Variants in PDE3A observed in about 807,000 individuals in gnomAD.
PDE3A encodes cGMP-inhibited 3',5'-cyclic phosphodiesterase 3A.
A neutral mutation model predicts 98.3 loss-of-function variants in PDE3A; 43 were observed. The ratio of observed to expected loss-of-function variants is 0.44; its 90% confidence interval spans 0.34 to 0.56. The LOEUF (loss-of-function observed/expected upper bound fraction) is 0.56. Among genes scored for constraint, PDE3A ranks in the 20% least tolerant of loss-of-function variants. The pLI is 0.01. For synonymous variants in PDE3A, 663 were observed against 567.9 expected (o/e 1.17, Z -2.38); for missense variants, 1,427 against 1,440.7 (o/e 0.99, Z 0.15).
chr12:20,554,885 C>T (rs1041469922), intron 1 of PDE3A, among the ~76,000 whole-genome samples: 1 of 152,178 alleles, frequency 6.6e-6, no homozygotes, highest in Non-Finnish European at 1.5e-5. Flanking sequence ...ATTTTGTTAG[C>T]ACACATACGT....
At position 20,552,213 on chromosome 12, in the gene PDE3A, G is replaced by A; in HGVS notation, c.961-4447G>A. The A allele has an allele frequency of 1.2e-6, 2 of 1,613,948 alleles. No individual in the cohort carries two copies. The highest frequency in any genetic ancestry group is 8.5e-7 in the Non-Finnish European group (1 of 1,179,890). ...AAGGGGCCGAGGCCAAGGACTGGCG[G>A]TCGGGGAAGCCGGTCAGGGTGGTGC... On this transcript the variant is annotated intron_variant, in intron 1 of 15. Coordinates refer to ENST00000359062, the MANE Select transcript of PDE3A (RefSeq NM_000921.5). This position sits in a 1 kb window ranked among gnomAD's most constrained non-coding sequence, Gnocchi z 5.1.
intron 1 of PDE3A, among the ~76,000 whole-genome samples, chr12:20,519,192 T>C (rs1046423572): frequency 6.6e-6 from 1 of 152,318 alleles, no homozygotes; most frequent in Non-Finnish European, 1.5e-5. Context: ...TCTCTACTTA[T>C]ATTTTGAAAG....
chr12:20,506,128 G>GTGTGTGTGTGTGTC (rs377692430), intron 1 of PDE3A, among the ~76,000 whole-genome samples: 24 of 146,916 alleles, frequency 1.6e-4, no homozygotes, highest in African/African-American at 5.8e-4. Context: ...GTGTGTGTGT[G>GTGTGTGTGTGTGTC]TATGTGTGTG....
rs796466854 is a variant in PDE3A at position 20,487,673 on chromosome 12, T to A, written c.961-68987T>A. Among the ~76,000 whole-genome samples, 918 of 141,966 alleles carry A rather than the reference T, an allele frequency of 6.5e-3. 13 individuals are homozygous for A. Among genetic ancestry groups the A allele is most frequent in the African/African-American group, 0.022 (846 of 39,076 alleles). The allele number at this position is 141,966 out of a possible 152,430, so 93.1% of individuals were successfully genotyped here. The stretch of plus-strand genomic sequence containing the variant: ...GGCTTAAGAAAAAAAAATAAATAAA[T>A]AAAAAAAGTGGTCAGTTTCTACAAG... On this transcript the variant is annotated intron_variant, in intron 1 of 15. Coordinates refer to ENST00000359062, the MANE Select transcript of PDE3A (RefSeq NM_000921.5).
chr12:20,567,392 G>A (rs1297269807), intron 2 of PDE3A, among the ~76,000 whole-genome samples: 42 of 151,852 alleles, frequency 2.8e-4, no homozygotes, highest in Non-Finnish European at 1.5e-5. Flanking sequence ...CTGCTTTCAG[G>A]CTTTTCTGTT....
chr12:20,399,208 T>C lies in PDE3A; in HGVS notation c.960+28964T>C, dbSNP rs541643829. 1.6e-4 allele frequency among the ~76,000 whole-genome samples: 24 copies of C among 152,352 alleles called. No homozygotes were observed. The South Asian group carries it at 4.3e-3, about 28-fold the overall frequency. ...TTATATACGTATGCCATATTTTGTT[T>C]ATCCATTTATTATTGATGGATACTT... is the stretch of plus-strand genomic sequence containing the variant. On this transcript the variant is annotated intron_variant, in intron 1 of 15. Transcript: ENST00000359062.
intron 2 of PDE3A, among the ~76,000 whole-genome samples, chr12:20,564,473 C>T (rs1942608320): frequency 1.3e-5 from 2 of 152,084 alleles, no homozygotes; most frequent in South Asian, 4.1e-4. Flanking sequence ...ATATTCATTT[C>T]ATTGTGAAGT....
In PDE3A at chr12:20,682,394, A is replaced by T. The variant is rs1056483824; in HGVS notation, c.*2123A>T. 6.6e-6 allele frequency: 1 copy of T among 152,062 alleles called. No individual in the cohort carries two copies. The highest frequency in any genetic ancestry group is 1.5e-5 in the Non-Finnish European group (1 of 68,010). The allele number at this position is 152,062 out of a possible 1,614,324, so 9.4% of individuals were successfully genotyped here. On this transcript the variant is annotated 3_prime_UTR_variant, in exon 16 of 16. Transcript: ENST00000359062. ...TTTGTTTCTCATAAATGGATATTGT[A>T]CTCCCCCCTTTCAAAGCATTATTTT... is the stretch of plus-strand genomic sequence containing the variant.
chr12:20,516,406 T>C (rs1362688455), intron 1 of PDE3A, among the ~76,000 whole-genome samples: 8 of 152,210 alleles, frequency 5.3e-5, no homozygotes, highest in Non-Finnish European at 8.8e-5. Flanking sequence ...TCTTTCAAAA[T>C]GGTAGTGAAA....
At chr12:20,573,395 A>G (rs2060630052) in intron 2 of PDE3A, among the ~76,000 whole-genome samples, 1 of 152,000 alleles carries the variant, frequency 6.6e-6, no homozygotes, top group African/African-American at 2.4e-5. Flanking sequence ...TTTGGTTCTC[A>G]TGAAGCTCGT....
intron 1 of PDE3A, among the ~76,000 whole-genome samples, chr12:20,483,932 T>C (rs956255080): frequency 2.0e-5 from 3 of 152,234 alleles, no homozygotes; most frequent in South Asian, 2.1e-4. Context: ...GACTTGTCTA[T>C]AGGGCTCTGG....
intron 2 of PDE3A, among the ~76,000 whole-genome samples, chr12:20,590,204 G>A (rs1183478694): frequency 1.3e-5 from 2 of 151,960 alleles, no homozygotes; most frequent in African/African-American, 2.4e-5. Context: ...TGGAACTGCT[G>A]CTGAGTGTAT....
intron 2 of PDE3A, among the ~76,000 whole-genome samples, chr12:20,599,180 C>T (rs146788853): frequency 7.2e-5 from 11 of 152,296 alleles, no homozygotes; most frequent in African/African-American, 2.6e-4. Context: ...GCAGTCCCCA[C>T]GTGCTGCCTT....
intron 1 of PDE3A, among the ~76,000 whole-genome samples, chr12:20,387,912 A>G (rs1339920558): frequency 6.6e-6 from 1 of 152,068 alleles, no homozygotes; most frequent in East Asian, 1.9e-4. Flanking sequence ...TTCACAGCAG[A>G]AAGGAAACTT....
chr12:20,680,437 A>T lies in PDE3A; in HGVS notation c.*166A>T. ...TGTGTATATTTTTACAGTGAGGTAC[A>T]TTGTTAAAAACTTTTTGCTCAAAGA... On this transcript the variant is annotated 3_prime_UTR_variant, in exon 16 of 16. Coordinates refer to ENST00000359062, the MANE Select transcript of PDE3A (RefSeq NM_000921.5). 1 of 719,692 alleles carries T rather than the reference A, an allele frequency of 1.4e-6. No homozygotes were observed. The highest frequency in any genetic ancestry group is 2.3e-6 in the Non-Finnish European group (1 of 444,076). 44.6% of individuals were successfully genotyped at this position (719,692 alleles called of 1,614,324 possible). A position where few individuals can be genotyped will look rare whatever the true frequency, so the allele number is the denominator to read the frequency against.
At chr12:20,649,887 A>G (rs1475560168) in intron 13 of PDE3A, among the ~76,000 whole-genome samples, 7 of 152,188 alleles carry the variant, frequency 4.6e-5, no homozygotes. Context: ...AGACTGGACC[A>G]TGACACTCCA....
intron 1 of PDE3A, among the ~76,000 whole-genome samples, chr12:20,514,380 T>C (rs1946278991): frequency 6.6e-6 from 1 of 152,236 alleles, no homozygotes; most frequent in Admixed American, 6.5e-5. Context: ...GTAAATGTCA[T>C]TGATCTCAAA....
chr12:20,451,408 G>A (rs2120887771), intron 1 of PDE3A, among the ~76,000 whole-genome samples: 2 of 152,206 alleles, frequency 1.3e-5, no homozygotes, highest in South Asian at 2.1e-4. Context: ...CAAGTAGCTG[G>A]GATTATAGGT....
Position 20,481,430 on chromosome 12 carries a change from G to T in PDE3A, c.961-75230G>T, listed in dbSNP as rs185561294. On this transcript the variant is annotated intron_variant, in intron 1 of 15. Transcript: ENST00000359062. Reference sequence around the variant, plus strand: ...TAAACATGATTATTTGCTTTATGTGGCTCTTTCAACTGTATTTACTGACGT... The same window carrying T: ...TAAACATGATTATTTGCTTTATGTGTCTCTTTCAACTGTATTTACTGACGT... 4.6e-3 allele frequency among the ~76,000 whole-genome samples: 703 copies of T among 152,092 alleles called. 3 individuals are homozygous for T. The highest frequency in any genetic ancestry group is 0.014 in the Admixed American group (217 of 15,296).
Sources: gnomAD v4.1 joint callset for allele counts (sites outside exome capture counted in the v4.1 genomes callset) on GRCh38, gnomAD v4.1.1 for gene constraint, Gnocchi (gnomAD v3.1) non-coding constraint, MANE v1.5 for transcripts, NCBI Gene and HGNC (gene_info 2026-07-23, HGNC 2026-07-21) for gene names.